The following UBN2 variants were observed in gnomAD, a reference collection of about 807,000 sequenced individuals.
UBN2 encodes ubinuclein 2.
Under a neutral mutation model 120.2 loss-of-function variants are expected in UBN2, and 35 were observed. That is an observed-to-expected ratio of 0.29 (90% CI 0.22 to 0.39). The LOEUF (loss-of-function observed/expected upper bound fraction) is 0.39, where lower values mean the gene tolerates loss of function less well. Ranked by LOEUF, UBN2 falls within the 10% of genes least tolerant of loss-of-function variation. The pLI is 1.00. For missense variants in UBN2, 1,693 were observed against 1,663.2 expected (o/e 1.02, Z -0.31); for synonymous variants, 661 against 648.7 (o/e 1.02, Z -0.29).
chr7:139,256,626 A>C (rs1207908877), intron 3 of UBN2, among the ~76,000 whole-genome samples: 2 of 152,200 alleles, frequency 1.3e-5, no homozygotes, highest in African/African-American at 4.8e-5. Flanking sequence ...ATGTAGGCAA[A>C]GAGTACAGGT....
chr7:139,294,623 C>T (rs1471819572), intron 17 of UBN2, among the ~76,000 whole-genome samples: 1 of 152,144 alleles, frequency 6.6e-6, no homozygotes. Flanking sequence ...GGCAGGTCAC[C>T]TGAGGTTGGG....
chr7:139,309,432 C>T (rs1407403923), downstream of UBN2, among the ~76,000 whole-genome samples: 1 of 152,148 alleles, frequency 6.6e-6, no homozygotes, highest in African/African-American at 2.4e-5. Context: ...GTCAGCAGTA[C>T]TCCTCAAGAT....
At chr7:139,245,639 A>G (rs1190891500) in intron 2 of UBN2, among the ~76,000 whole-genome samples, 1 of 152,204 alleles carries the variant, frequency 6.6e-6, no homozygotes, top group Non-Finnish European at 1.5e-5. Flanking sequence ...TAGTTTTCCC[A>G]GGTAAATCTC....
intron 2 of UBN2, among the ~76,000 whole-genome samples, chr7:139,241,387 CAT>C (rs1796315728): frequency 6.6e-6 from 1 of 152,198 alleles, no homozygotes; most frequent in African/African-American, 2.4e-5. Flanking sequence ...AATAGGAAGA[CAT>C]ATATTCTGCC....
At chr7:139,233,892 A>T (rs1796095219) in intron 1 of UBN2, among the ~76,000 whole-genome samples, 1 of 152,100 alleles carries the variant, frequency 6.6e-6, no homozygotes, top group Non-Finnish European at 1.5e-5. Context: ...TTTTCTGTAT[A>T]CTTATTAACA....
chr7:139,306,940 C>G lies in UBN2; in HGVS notation c.*9104C>G, dbSNP rs1160090097. On this transcript the variant is annotated 3_prime_UTR_variant, in exon 18 of 18. Transcript: ENST00000473989. ...TAAAAATGATTACCGAACTCCAGAC[C>G]TATTTGCTATAACTGATTGGAAATA... is the stretch of plus-strand genomic sequence containing the variant. 1 of 152,164 alleles carries G rather than the reference C, an allele frequency of 6.6e-6. No individual in the cohort carries two copies. The highest frequency in any genetic ancestry group is 1.5e-5 in the Non-Finnish European group (1 of 68,040). 9.4% of individuals were successfully genotyped at this position (152,164 alleles called of 1,614,324 possible).
chr7:139,265,886 T>G (rs1236872605), intron 6 of UBN2, among the ~76,000 whole-genome samples: 1 of 152,124 alleles, frequency 6.6e-6, no homozygotes, highest in Non-Finnish European at 1.5e-5. Context: ...ATATTGACTT[T>G]GGACTTTGGA....
At chr7:139,314,414 G>A in the UBN2 span, among the ~76,000 whole-genome samples, 3 of 151,744 alleles carry the variant, frequency 2.0e-5, no homozygotes, top group African/African-American at 4.8e-5. Context: ...AGCTGCTATC[G>A]TGCCACTGTA....
At chr7:139,232,208 T>A (rs4728463) in intron 1 of UBN2, among the ~76,000 whole-genome samples, 1 of 151,880 alleles carries the variant, frequency 6.6e-6, no homozygotes, top group South Asian at 2.1e-4. Context: ...CGCGCCGAGC[T>A]CGTTTTCTTG....
At chr7:139,293,853 A>T (rs1343394507) in intron 16 of UBN2, 36 bp from the exon 17 acceptor site, 6 of 1,595,238 alleles carry the variant, frequency 3.8e-6, no homozygotes, top group Non-Finnish European at 5.2e-6. Flanking sequence ...TCAAATCTGG[A>T]TTTAAAGATG....
intron 3 of UBN2, among the ~76,000 whole-genome samples, chr7:139,254,949 CATT>C: frequency 6.6e-6 from 1 of 152,320 alleles, no homozygotes; most frequent in East Asian, 1.9e-4. Flanking sequence ...TGTGACACAT[CATT>C]GTCACCGAAG....
At position 139,273,372 on chromosome 7, in the gene UBN2, A is replaced by G; in HGVS notation, c.1791A>G (p.Ile597Met). The G allele has an allele frequency of 6.2e-7, 1 of 1,608,120 alleles. No homozygotes were observed. Among genetic ancestry groups the G allele is most frequent in the Non-Finnish European group, 8.5e-7 (1 of 1,176,720 alleles). The stretch of plus-strand genomic sequence containing the variant: ...ATGAGAAACCAGGAAAACGTGTCAT[A>G]GGACCAAGAAAGAAATTCCACTGGG... The part of the protein sequence containing the change: ...DDDEKPGKRV[I>M]GPRKKFHWDD... Residue 597 changes from isoleucine (I) to methionine (M), a missense_variant, in exon 10 of 18, where the codon ATA becomes ATG. By Grantham distance (10) the Ile-to-Met change is conservative. Around this residue, in one of 5 missense-constraint regions of UBN2, gnomAD observed 178 missense variants for 204.0 expected, o/e 0.87. Coordinates refer to ENST00000473989, the MANE Select transcript of UBN2 (RefSeq NM_173569.4).
intron 12 of UBN2, 194 bp downstream of exon 12, chr7:139,276,341 C>T (rs1797442123): frequency 1.8e-6 from 1 of 567,314 alleles, no homozygotes; most frequent in South Asian, 2.1e-5. Context: ...ACTAAATCCA[C>T]ACTGTGACAC....
At chr7:139,308,399 CATG>C (rs1009098994), downstream of UBN2, among the ~76,000 whole-genome samples, 6 of 152,084 alleles carry the variant, frequency 3.9e-5, no homozygotes, top group African/African-American at 1.4e-4. Flanking sequence ...TTTGCAGTCA[CATG>C]ATAAGTTAAA....
At chr7:139,329,081 A>ATT in the UBN2 span, among the ~76,000 whole-genome samples, 1 of 147,732 alleles carries the variant, frequency 6.8e-6, no homozygotes, top group Non-Finnish European at 1.5e-5. Flanking sequence ...TCCAATCTCT[A>ATT]TTTTTTTTTT....
chr7:139,288,618 T>C (rs540507484), intron 15 of UBN2, among the ~76,000 whole-genome samples: 1 of 152,162 alleles, frequency 6.6e-6, no homozygotes, highest in South Asian at 2.1e-4. Context: ...GGGACTGATA[T>C]GGTCTGATTT....
chr7:139,319,719 C>G, the UBN2 span, among the ~76,000 whole-genome samples: 1 of 152,206 alleles, frequency 6.6e-6, no homozygotes, highest in African/African-American at 2.4e-5. Flanking sequence ...TTATTCTGGT[C>G]TCCTTTACTT....
At chr7:139,286,188 A>G (rs914733282) in intron 15 of UBN2, among the ~76,000 whole-genome samples, 1 of 152,112 alleles carries the variant, frequency 6.6e-6, no homozygotes, top group Non-Finnish European at 1.5e-5. Context: ...TCGGCCTCCC[A>G]AAGTGCTGGG....
At chr7:139,310,565 G>T (rs1798434702), downstream of UBN2, among the ~76,000 whole-genome samples, 1 of 152,168 alleles carries the variant, frequency 6.6e-6, no homozygotes, top group African/African-American at 2.4e-5. Flanking sequence ...GAGGTCAGGA[G>T]TTAGAAACTA....
Sources: allele counts gnomAD v4.1 joint callset (sites outside exome capture counted in the v4.1 genomes callset), GRCh38; gene constraint gnomAD v4.1.1; regional missense constraint gnomAD v4.1.1; transcripts MANE v1.5; gene names NCBI Gene and HGNC (gene_info 2026-07-23, HGNC 2026-07-21).